The following RBFOX1 variants were observed in gnomAD, a reference collection of about 807,000 sequenced individuals.
The protein encoded by RBFOX1 is RNA binding fox-1 homolog 1, also known as RNA binding protein fox-1 homolog 1.
RBFOX1 carries 8 observed loss-of-function variants against 57.7 expected under a neutral mutation model. The ratio of observed to expected loss-of-function variants is 0.14; its 90% CI spans 0.08 to 0.25. The LOEUF (loss-of-function observed/expected upper bound fraction) is 0.25. Among genes scored for constraint, RBFOX1 ranks in the 10% least tolerant of loss-of-function variants. RBFOX1 has a pLI of 1.00. For missense variants in RBFOX1, 611 were observed against 548.5 expected (o/e 1.11, Z -1.14); for synonymous variants, 326 against 222.4 (o/e 1.47, Z -4.15).
At chr16:5,787,298 C>G (rs912418432) in intron 3 of RBFOX1, among the ~76,000 whole-genome samples, 1 of 152,192 alleles carries the variant, frequency 6.6e-6, no homozygotes, top group Admixed American at 6.5e-5. Flanking sequence ...TCATAAGCAT[C>G]AGAGGTGTCC....
chr16:6,852,171 G>C (rs994867444), intron 3 of RBFOX1, among the ~76,000 whole-genome samples: 1 of 152,054 alleles, frequency 6.6e-6, no homozygotes, highest in Non-Finnish European at 1.5e-5. Flanking sequence ...AGTGTCACTG[G>C]CCTGCAACCA....
chr16:6,574,256 A>G (rs1262170110), intron 2 of RBFOX1, among the ~76,000 whole-genome samples: 10 of 151,902 alleles, frequency 6.6e-5, no homozygotes, highest in Admixed American at 6.6e-4. Context: ...TAACTGAGGT[A>G]ACACACGTTG....
At chr16:5,826,867 G>T (rs529865873) in intron 3 of RBFOX1, among the ~76,000 whole-genome samples, 3 of 152,110 alleles carry the variant, frequency 2.0e-5, no homozygotes, top group Admixed American at 6.5e-5. Context: ...GAAGGGATCC[G>T]TGGCAGGAGC....
chr16:6,730,743 C>T (rs1485676514), intron 3 of RBFOX1, among the ~76,000 whole-genome samples: 3 of 152,040 alleles, frequency 2.0e-5, no homozygotes, highest in East Asian at 3.9e-4. Flanking sequence ...CAGACAAAAC[C>T]GATTATTTAG....
At chr16:5,448,241 C>T (rs990147100) in intron 1 of RBFOX1, among the ~76,000 whole-genome samples, 2 of 152,178 alleles carry the variant, frequency 1.3e-5, no homozygotes, top group African/African-American at 2.4e-5. Flanking sequence ...CATGTTTTCA[C>T]CTTCACTAGA....
intron 4 of RBFOX1, among the ~76,000 whole-genome samples, chr16:6,008,117 GT>G (rs2094938091): frequency 6.6e-6 from 1 of 152,104 alleles, no homozygotes; most frequent in African/African-American, 2.4e-5. Context: ...AAGCAGGAGG[GT>G]CACTTGAACC....
chr16:6,090,934 T>C (rs958924425), intron 1 of RBFOX1, among the ~76,000 whole-genome samples: 5 of 152,252 alleles, frequency 3.3e-5, no homozygotes, highest in Admixed American at 6.5e-5. Flanking sequence ...TTGATTCATA[T>C]GGTTTGTTCA....
intron 2 of RBFOX1, among the ~76,000 whole-genome samples, chr16:6,411,872 G>A (rs1046231005): frequency 1.7e-4 from 26 of 152,234 alleles, no homozygotes; most frequent in Middle Eastern, 3.4e-3. Context: ...GGTGGCTCAC[G>A]CCTGTAATCC....
intron 1 of RBFOX1, among the ~76,000 whole-genome samples, chr16:6,290,948 C>A (rs1189444471): frequency 2.0e-5 from 3 of 152,122 alleles, no homozygotes; most frequent in Non-Finnish European, 4.4e-5. Flanking sequence ...GAGAGAGCAT[C>A]CCCAAGGGCT....
intron 4 of RBFOX1, among the ~76,000 whole-genome samples, chr16:7,253,986 G>A (rs1442351866): frequency 6.6e-6 from 1 of 152,162 alleles, no homozygotes; most frequent in Non-Finnish European, 1.5e-5. Flanking sequence ...GAATTGCCTT[G>A]AAAATACGTT....
chr16:6,459,943 C>T (rs1317549256), intron 2 of RBFOX1, among the ~76,000 whole-genome samples: 1 of 117,824 alleles, frequency 8.5e-6, no homozygotes, highest in Non-Finnish European at 1.6e-5. Flanking sequence ...GAGATAGTGC[C>T]ATTGCACTCC....
At chr16:5,859,251 C>T (rs775605822) in intron 3 of RBFOX1, among the ~76,000 whole-genome samples, 13 of 152,092 alleles carry the variant, frequency 8.5e-5, no homozygotes, top group Non-Finnish European at 1.9e-4. Flanking sequence ...GGGCTGTTTG[C>T]AAGTGGCTCT....
intron 4 of RBFOX1, among the ~76,000 whole-genome samples, chr16:7,496,141 AT>A (rs2068569737): frequency 6.6e-6 from 1 of 151,840 alleles, no homozygotes; most frequent in Admixed American, 6.6e-5. Flanking sequence ...TCACCTTTTT[AT>A]TTTATTTTGT....
chr16:7,321,104 TACATA>T (rs1354103784), intron 4 of RBFOX1, among the ~76,000 whole-genome samples: 20 of 150,304 alleles, frequency 1.3e-4, no homozygotes, highest in Admixed American at 7.4e-4. Flanking sequence ...CATATACATA[TACATA>T]TACATATACA....
chr16:7,142,318 C>G (rs1220811369), intron 4 of RBFOX1, among the ~76,000 whole-genome samples: 1 of 152,188 alleles, frequency 6.6e-6, no homozygotes, highest in Non-Finnish European at 1.5e-5. Context: ...GCCACCACAC[C>G]TAGCCAAGTC....
At chr16:5,959,202 C>G (rs186305654) in intron 4 of RBFOX1, among the ~76,000 whole-genome samples, 1 of 152,328 alleles carries the variant, frequency 6.6e-6, no homozygotes, top group East Asian at 1.9e-4. Flanking sequence ...CAGTGGCTTT[C>G]TATTGCTCAC....
Position 7,710,861 on chromosome 16 carries a change from C to T in RBFOX1, c.*116C>T, listed in dbSNP as rs1401632390. The T allele has an allele frequency of 2.0e-6, 2 of 994,724 alleles. No homozygotes were observed. The highest frequency in any genetic ancestry group is 2.6e-6 in the Non-Finnish European group (2 of 755,636). The allele number at this position is 994,724 out of a possible 1,614,324, so 61.6% of individuals were successfully genotyped here. Reference sequence around the variant, plus strand: ...AGCAACTCTAAAAAAAAAAAAAATACAAATAAAAAGGAAAAAAAATTACAT... The same window carrying T: ...AGCAACTCTAAAAAAAAAAAAAATATAAATAAAAAGGAAAAAAAATTACAT... On this transcript the variant is annotated 3_prime_UTR_variant, in exon 16 of 16. Transcript: ENST00000550418.
At chr16:5,749,025 T>C (rs1213187866) in intron 3 of RBFOX1, among the ~76,000 whole-genome samples, 1 of 152,210 alleles carries the variant, frequency 6.6e-6, no homozygotes, top group Non-Finnish European at 1.5e-5. Flanking sequence ...TTCTTTTCCA[T>C]GTTGAGTGCT....
intron 2 of RBFOX1, among the ~76,000 whole-genome samples, chr16:5,597,395 C>CCT (rs1363908203): frequency 8.7e-6 from 1 of 114,426 alleles, no homozygotes; most frequent in Non-Finnish European, 1.7e-5. Context: ...AGCTTGCTGA[C>CCT]TTTTTTTTTT....
Sources: allele counts gnomAD v4.1 joint callset (sites outside exome capture counted in the v4.1 genomes callset), GRCh38; gene constraint gnomAD v4.1.1; transcripts MANE v1.5; gene names NCBI Gene and HGNC (gene_info 2026-07-23, HGNC 2026-07-21).